MED12L: variants seen among roughly 807,000 people sequenced by gnomAD.
MED12L encodes mediator of RNA polymerase II transcription subunit 12-like protein.
MED12L carries 60 observed loss-of-function variants against 281.3 expected under a neutral mutation model. That is an observed-to-expected ratio of 0.21 (90% CI 0.17 to 0.26). The LOEUF is 0.26. Ranked by LOEUF, MED12L falls within the 10% of genes least tolerant of loss-of-function variation. The pLI is 1.00. For missense variants in MED12L, 2,146 were observed against 2,680.9 expected, an observed-to-expected ratio of 0.80 and a Z score of 4.41; for synonymous variants, 974 against 987.2, an observed-to-expected ratio of 0.99 and a Z score of 0.25.
chr3:151,417,487 C>CCCCCCTTTT (rs1717736742), intron 43 of MED12L, among the ~76,000 whole-genome samples: 1 of 78,818 alleles, frequency 1.3e-5, no homozygotes. Context: ...CCCCCCCCGC[C>CCCCCCTTTT]TTTTTTTTTT....
intron 16 of MED12L, chr3:151,326,274 CT>C (rs1749579197): frequency 6.6e-6 from 1 of 152,548 alleles, no homozygotes; most frequent in South Asian, 2.1e-4. Flanking sequence ...ATTGGCTTCC[CT>C]TTTGCTTCTC....
At chr3:151,288,741 A>G (rs180731436) in intron 16 of MED12L, among the ~76,000 whole-genome samples, 190 of 152,330 alleles carry the variant, frequency 1.2e-3, no homozygotes, top group Non-Finnish European at 2.4e-3. Flanking sequence ...AGTTATCATG[A>G]TTTAGTTAAA....
Position 151,102,212 on chromosome 3 carries a change from C to T in MED12L, c.100-14126C>T, listed in dbSNP as rs184628178. ...TCCTGTGCTTTAAATCTCCCTTTAA[C>T]GCCTGTTATTGACCTCCTTGTGGGC... On this transcript the variant is annotated intron_variant, in intron 2 of 44. Transcript: ENST00000687756. Among the ~76,000 whole-genome samples, 9 of 152,204 alleles carry T rather than the reference C, an allele frequency of 5.9e-5. 1 individual carries two copies. The highest frequency in any genetic ancestry group is 3.9e-4 in the Admixed American group (6 of 15,276).
intron 11 of MED12L, among the ~76,000 whole-genome samples, chr3:151,183,296 C>T (rs902824772): frequency 2.0e-5 from 3 of 152,164 alleles, no homozygotes; most frequent in African/African-American, 7.2e-5. Flanking sequence ...GTGTATAGAG[C>T]CTCTTATTCT....
At chr3:151,195,514 T>C (rs1274604405) in intron 16 of MED12L, among the ~76,000 whole-genome samples, 1 of 152,196 alleles carries the variant, frequency 6.6e-6, no homozygotes, top group Admixed American at 6.5e-5. Flanking sequence ...TATCACTGCC[T>C]GAATAATATC....
intron 16 of MED12L, among the ~76,000 whole-genome samples, chr3:151,242,259 G>T (rs973111264): frequency 1.3e-5 from 2 of 152,252 alleles, no homozygotes; most frequent in East Asian, 3.8e-4. Flanking sequence ...GCTCAAACTG[G>T]GCGGAGCCCA....
At chr3:151,241,630 A>G (rs950587159) in intron 16 of MED12L, among the ~76,000 whole-genome samples, 3 of 151,890 alleles carry the variant, frequency 2.0e-5, no homozygotes, top group Non-Finnish European at 4.4e-5. Context: ...GTGTGTATAT[A>G]CACACACAGT....
intron 20 of MED12L, 85 bp downstream of exon 20, chr3:151,357,461 A>C: frequency 1.7e-6 from 2 of 1,211,382 alleles, no homozygotes; most frequent in Non-Finnish European, 2.2e-6. Context: ...TTAAAAGAAA[A>C]ATAGTACTGA....
At chr3:151,197,953 G>A (rs1369739781) in intron 16 of MED12L, 2 of 152,692 alleles carry the variant, frequency 1.3e-5, no homozygotes, top group African/African-American at 4.8e-5. Context: ...TGATAGATTA[G>A]AAATAAAATA....
At chr3:151,403,713 C>T (rs939769826) in intron 39 of MED12L, among the ~76,000 whole-genome samples, 13 of 152,184 alleles carry the variant, frequency 8.5e-5, no homozygotes, top group Non-Finnish European at 1.3e-4. Context: ...AAAAAGAGCA[C>T]ACATCTCAGA....
intron 2 of MED12L, among the ~76,000 whole-genome samples, chr3:151,109,573 A>T (rs1487321414): frequency 6.6e-6 from 1 of 152,196 alleles, no homozygotes; most frequent in South Asian, 2.1e-4. Context: ...GTTGAAATCC[A>T]TGTGCACAAT....
intron 27 of MED12L, among the ~76,000 whole-genome samples, chr3:151,374,024 C>A (rs1756508547): frequency 6.6e-6 from 1 of 152,106 alleles, no homozygotes; most frequent in African/African-American, 2.4e-5. Context: ...CCTACTGATA[C>A]CTTCAATTCC....
rs975292841 is a variant in MED12L, at chr3:151,122,958, C to A, written c.380C>A (p.Ser127Tyr). 1 of 1,602,110 alleles carries A rather than the reference C, an allele frequency of 6.2e-7. No individual in the cohort carries two copies. The highest frequency in any genetic ancestry group is 1.7e-5 in the Admixed American group (1 of 57,550). Residue 127 changes from serine to tyrosine, a missense_variant, in exon 4 of 45, where the codon TCT becomes TAT. By Grantham distance (144) the Ser-to-Tyr change is moderately radical. Coordinates refer to ENST00000687756, the MANE Select transcript of MED12L (RefSeq NM_001393769.1). The stretch of plus-strand genomic sequence containing the variant: ...GACTTAGCAGGAAATAAGCCACTTT[C>A]TATTTTGGCAAAAAAGGTATCAAAT... ...FSDLAGNKPLSILAKKVPILS... is the reference protein window; with the variant it reads ...FSDLAGNKPLYILAKKVPILS...
intron 42 of MED12L, among the ~76,000 whole-genome samples, chr3:151,415,275 CA>C (rs1389688133): frequency 2.6e-5 from 4 of 152,186 alleles, no homozygotes. Flanking sequence ...GCTTCTACAA[CA>C]GGATTATACT....
At chr3:151,341,110 A>G (rs1751763631) in intron 16 of MED12L, among the ~76,000 whole-genome samples, 1 of 152,156 alleles carries the variant, frequency 6.6e-6, no homozygotes, top group African/African-American at 2.4e-5. Flanking sequence ...TTTATCTGAA[A>G]TATATTGTGT....
chr3:151,380,296 C>G, intron 32 of MED12L, 72 bp downstream of exon 32: 3 of 1,065,660 alleles, frequency 2.8e-6, no homozygotes, highest in Non-Finnish European at 4.1e-6. Context: ...CTTTCAAATA[C>G]TGAGATTAAA....
intron 16 of MED12L, chr3:151,278,587 C>G (rs1275103961): frequency 2.6e-5 from 4 of 152,216 alleles, no homozygotes; most frequent in Non-Finnish European, 5.9e-5. Flanking sequence ...GTCCTGCTTT[C>G]TTATTTCTCC....
intron 17 of MED12L, among the ~76,000 whole-genome samples, chr3:151,354,365 A>G (rs547088963): frequency 2.0e-5 from 3 of 152,256 alleles, no homozygotes; most frequent in East Asian, 3.9e-4. Context: ...ATTTTCTTCA[A>G]ACCTCTTTAT....
intron 2 of MED12L, among the ~76,000 whole-genome samples, chr3:151,092,631 A>C (rs867278480): frequency 1.7e-4 from 26 of 152,342 alleles, no homozygotes; most frequent in African/African-American, 5.5e-4. Context: ...CAGCTGGGGA[A>C]GTGGAGTGAG....
Sources: allele counts gnomAD v4.1 joint callset (sites outside exome capture counted in the v4.1 genomes callset), GRCh38; gene constraint gnomAD v4.1.1; transcripts MANE v1.5; gene names NCBI Gene and HGNC (gene_info 2026-07-23, HGNC 2026-07-21).